The following MCPH1 variants were observed in gnomAD, a reference collection of about 807,000 sequenced individuals.
MCPH1 encodes microcephalin.
MCPH1 carries 104 observed loss-of-function variants against 84.5 expected under a neutral mutation model. The ratio of observed to expected loss-of-function variants is 1.23; its 90% CI spans 1.05 to 1.45. MCPH1 has a LOEUF of 1.45. Ranked by LOEUF, MCPH1 falls within the 40% of genes most tolerant of loss-of-function variation. The probability of loss-of-function intolerance (pLI) is 0.00; values close to 1 mark genes in which losing one functional copy is unlikely to be tolerated. For synonymous variants in MCPH1, 514 were observed against 366.8 expected (o/e 1.40, Z -4.58); for missense variants, 1,498 against 1,005.7 (o/e 1.49, Z -6.62).
chr8:6,437,057 G>C (rs894605556), intron 5 of MCPH1, among the ~76,000 whole-genome samples: 1 of 152,106 alleles, frequency 6.6e-6, no homozygotes, highest in East Asian at 1.9e-4. Context: ...TCTAAAGTCA[G>C]TATTTCCTAC....
chr8:6,605,859 A>G (rs1168389037), intron 12 of MCPH1, among the ~76,000 whole-genome samples: 1 of 152,026 alleles, frequency 6.6e-6, no homozygotes, highest in Non-Finnish European at 1.5e-5. Flanking sequence ...CACCATGCCC[A>G]ACTAATTTTT....
intron 6 of MCPH1, 131 bp downstream of exon 6, chr8:6,439,227 G>A: frequency 1.1e-6 from 1 of 946,218 alleles, no homozygotes; most frequent in East Asian, 2.7e-5. Flanking sequence ...TTTCATGGCT[G>A]GCTTTGTTTT....
intron 12 of MCPH1, among the ~76,000 whole-genome samples, chr8:6,589,711 T>C (rs1828287621): frequency 6.6e-6 from 1 of 152,224 alleles, no homozygotes; most frequent in South Asian, 2.1e-4. Context: ...TTTTTCTTAG[T>C]GATCTCAAGT....
Position 6,504,045 on chromosome 8 carries a change from G to A in MCPH1, c.2214+4116G>A, listed in dbSNP as rs1465269755. On this transcript the variant is annotated intron_variant, in intron 12 of 13. Coordinates refer to ENST00000344683, the MANE Select transcript of MCPH1 (RefSeq NM_024596.5). ...AATATTCTATAAGCAGGGGCCGGGC[G>A]CAGTGGCTCACGCCTGTAATCCCAG... Among the ~76,000 whole-genome samples, 8 of 152,292 alleles carry A rather than the reference G, an allele frequency of 5.3e-5. 1 individual carries two copies. The highest frequency in any genetic ancestry group is 4.6e-4 in the Admixed American group (7 of 15,302).
intron 3 of MCPH1, among the ~76,000 whole-genome samples, chr8:6,426,958 G>A (rs574123403): frequency 5.2e-4 from 79 of 152,244 alleles, no homozygotes; most frequent in African/African-American, 1.7e-3. Flanking sequence ...TCTGAGAAAC[G>A]AATAGGTGAT....
chr8:6,409,989 G>C (rs945849462), intron 2 of MCPH1, among the ~76,000 whole-genome samples: 1 of 146,890 alleles, frequency 6.8e-6, no homozygotes, highest in African/African-American at 2.6e-5. Flanking sequence ...TTTTTTTTTT[G>C]AGACGGAGTC....
At chr8:6,555,578 C>T (rs1824462440) in intron 12 of MCPH1, among the ~76,000 whole-genome samples, 1 of 151,902 alleles carries the variant, frequency 6.6e-6, no homozygotes, top group Non-Finnish European at 1.5e-5. Context: ...CCACCCACCT[C>T]ATCCTCCTGA....
chr8:6,644,806 C>A lies in MCPH1; in HGVS notation c.*1757C>A, dbSNP rs1798134199. 6.6e-6 allele frequency: 1 copy of A among 152,110 alleles called. No individual in the cohort carries two copies. The highest frequency in any genetic ancestry group is 1.5e-5 in the Non-Finnish European group (1 of 68,038). The allele number at this position is 152,110 out of a possible 1,614,324, so 9.4% of individuals were successfully genotyped here. ...AAGTCCCTCAACAAATATAACAGAACCACTTCTAGAATGAACCTTTGAGAA... is the reference window on the plus strand; with the variant it reads ...AAGTCCCTCAACAAATATAACAGAAACACTTCTAGAATGAACCTTTGAGAA... On this transcript the variant is annotated 3_prime_UTR_variant, in exon 14 of 14. Transcript: ENST00000344683.
rs1190329978 is a variant in MCPH1, at chr8:6,480,841, A to G, written c.2101A>G (p.Ile701Val). 2 of 1,614,062 alleles carry G rather than the reference A, an allele frequency of 1.2e-6. No homozygotes were observed. The highest frequency in any genetic ancestry group is 2.7e-5 in the African/African-American group (2 of 74,920). The change falls in exon 11 of 14, where the codon ATT becomes GTT. Residue 701 changes from isoleucine to valine, a missense_variant. Ile to Val is a conservative substitution (Grantham distance 29, BLOSUM62 3). Transcript: ENST00000344683. ...PLRTLNVLLGIARGCWVLSYD... is the reference protein window; with the variant it reads ...PLRTLNVLLGVARGCWVLSYD... ...TCGCACCCTGAATGTGCTGCTGGGA[A>G]TTGCGCGTGGCTGCTGGGTTCTCTC... is the stretch of plus-strand genomic sequence containing the variant.
chr8:6,637,197 T>G lies in MCPH1; in HGVS notation c.2453-5797T>G, dbSNP rs150355230. 1.3e-3 allele frequency among the ~76,000 whole-genome samples: 203 copies of G among 152,336 alleles called. 7 individuals are homozygous for G. The East Asian group carries it at 0.033, about 24-fold the overall frequency. ...GCAACTGACAGGAATATACAGCCTT[T>G]GCCCTTGTGGGACTTAACATTTAAG... On this transcript the variant is annotated intron_variant, in intron 13 of 13. Transcript: ENST00000344683.
intron 12 of MCPH1, among the ~76,000 whole-genome samples, chr8:6,548,759 G>A (rs1317366338): frequency 1.3e-5 from 2 of 152,194 alleles, no homozygotes; most frequent in Non-Finnish European, 2.9e-5. Context: ...CTCTGATGAT[G>A]CTGGAAAAAA....
intron 13 of MCPH1, chr8:6,626,570 C>G (rs981849906): frequency 1.0e-5 from 10 of 984,416 alleles, no homozygotes; most frequent in South Asian, 4.7e-5. Context: ...ATTCCCGGCC[C>G]TAGGAAATAA....
rs542755642 is a variant in MCPH1 at position 6,543,791 on chromosome 8, G to GT, written c.2214+43868dup. The stretch of plus-strand genomic sequence containing the variant: ...TTCTCCCAAGTATTTAAAGCTGCGA[G>GT]TTTTTTCATATTTTCATATTTATTT... On this transcript the variant is annotated intron_variant, in intron 12 of 13. Coordinates refer to ENST00000344683, the MANE Select transcript of MCPH1 (RefSeq NM_024596.5). Among the ~76,000 whole-genome samples the GT allele has an allele frequency of 3.3e-3, 509 of 152,270 alleles. 2 individuals carry two copies. The highest frequency in any genetic ancestry group is 0.012 in the African/African-American group (489 of 41,560).
chr8:6,539,780 C>G (rs1194317107), intron 12 of MCPH1, among the ~76,000 whole-genome samples: 2 of 152,068 alleles, frequency 1.3e-5, no homozygotes, highest in Non-Finnish European at 2.9e-5. Flanking sequence ...AGAGATGGGG[C>G]TTCGCCATGT....
intron 13 of MCPH1, among the ~76,000 whole-genome samples, chr8:6,622,481 G>C (rs1051423283): frequency 6.6e-6 from 1 of 152,214 alleles, no homozygotes; most frequent in Non-Finnish European, 1.5e-5. Context: ...GTCATATGTG[G>C]CGGGACAAGC....
At chr8:6,624,339 G>C (rs1831833578) in intron 13 of MCPH1, among the ~76,000 whole-genome samples, 1 of 152,204 alleles carries the variant, frequency 6.6e-6, no homozygotes, top group Non-Finnish European at 1.5e-5. Context: ...TATTGTGTGT[G>C]CTGCAGACCT....
intron 12 of MCPH1, among the ~76,000 whole-genome samples, chr8:6,611,083 A>G (rs565525222): frequency 2.0e-5 from 3 of 151,514 alleles, no homozygotes; most frequent in Non-Finnish European, 4.4e-5. Flanking sequence ...TACTGCTTCT[A>G]CTGTTGCTAC....
At chr8:6,508,543 T>C (rs1452204463) in intron 12 of MCPH1, 2 of 291,438 alleles carry the variant, frequency 6.9e-6, no homozygotes, top group South Asian at 1.3e-4. Flanking sequence ...GTTGGAAATA[T>C]TTCTATAATC....
intron 12 of MCPH1, among the ~76,000 whole-genome samples, chr8:6,530,633 A>T (rs1270357546): frequency 6.6e-6 from 1 of 151,884 alleles, no homozygotes; most frequent in African/African-American, 2.4e-5. Context: ...ATGACTTCCT[A>T]AGATTTAAAT....
Sources: allele counts gnomAD v4.1 joint callset (sites outside exome capture counted in the v4.1 genomes callset), GRCh38; gene constraint gnomAD v4.1.1; transcripts MANE v1.5; gene names NCBI Gene and HGNC (gene_info 2026-07-23, HGNC 2026-07-21).